The following CDC42BPA variants were observed in gnomAD, a reference collection of about 807,000 sequenced individuals.
The protein encoded by CDC42BPA is CDC42 binding protein kinase alpha.
In CDC42BPA, 80 loss-of-function variants were observed where a neutral mutation model predicts 223.5. That is an observed-to-expected ratio of 0.36 (90% CI 0.30 to 0.43). The LOEUF is 0.43. Among genes scored for constraint, CDC42BPA ranks in the 20% least tolerant of loss-of-function variants. CDC42BPA has a pLI of 1.00. For missense variants in CDC42BPA, 1,743 were observed against 2,099.9 expected, an observed-to-expected ratio of 0.83 and a Z score of 3.32; for synonymous variants, 694 against 718.6, an observed-to-expected ratio of 0.97 and a Z score of 0.55.
At chr1:227,190,426 G>A (rs958472797) in intron 5 of CDC42BPA, among the ~76,000 whole-genome samples, 11 of 152,164 alleles carry the variant, frequency 7.2e-5, no homozygotes, top group African/African-American at 2.7e-4. Flanking sequence ...AGCACAAAGA[G>A]TTAAATAAGG....
rs910782756 is a variant in CDC42BPA, at chr1:227,279,468, A to C, written c.179-25313T>G. 2.0e-5 allele frequency among the ~76,000 whole-genome samples: 3 copies of C among 152,086 alleles called. No individual in the cohort carries two copies. The East Asian group carries it at 5.8e-4, about 29-fold the overall frequency. On this transcript the variant is annotated intron_variant, in intron 1 of 36. Transcript: ENST00000366766. ...ATCCTAAAGTTAAAATAGCATGGAAATATCTGTAAAGGTCTGACCATACCA... is the reference window on the plus strand; with the variant it reads ...ATCCTAAAGTTAAAATAGCATGGAACTATCTGTAAAGGTCTGACCATACCA...
intron 31 of CDC42BPA, among the ~76,000 whole-genome samples, chr1:227,025,675 A>G (rs558590137): frequency 6.6e-6 from 1 of 152,290 alleles, no homozygotes; most frequent in African/African-American, 2.4e-5. Context: ...TAGCCTTTTA[A>G]ATCTGTCCTC....
chr1:227,107,361 G>A (rs540288267), intron 14 of CDC42BPA, among the ~76,000 whole-genome samples: 55 of 152,250 alleles, frequency 3.6e-4, no homozygotes, highest in African/African-American at 1.3e-3. Context: ...AAACACAACT[G>A]ATTGCTATGT....
intron 1 of CDC42BPA, among the ~76,000 whole-genome samples, chr1:227,297,059 C>A (rs1690768839): frequency 6.6e-6 from 1 of 152,120 alleles, no homozygotes. Context: ...ATTTCTATAC[C>A]TTCTGCTCAA....
chr1:227,049,727 G>T (rs571901727), intron 22 of CDC42BPA, among the ~76,000 whole-genome samples: 10 of 152,054 alleles, frequency 6.6e-5, no homozygotes, highest in Non-Finnish European at 1.3e-4. Context: ...AGAATTGAGA[G>T]TATCCAAACA....
chr1:227,303,835 TTA>T (rs1294474736), intron 1 of CDC42BPA, among the ~76,000 whole-genome samples: 1 of 152,222 alleles, frequency 6.6e-6, no homozygotes, highest in Non-Finnish European at 1.5e-5. Flanking sequence ...AATTATTTTA[TTA>T]TAGTGTTAGT....
At chr1:227,256,948 G>GACACACACACACACACACACACACACAC (rs55961981) in intron 1 of CDC42BPA, among the ~76,000 whole-genome samples, 17 of 141,002 alleles carry the variant, frequency 1.2e-4, no homozygotes, top group African/African-American at 4.5e-4. Context: ...TATATATACA[G>GACACACACACACACACACACACACACAC]ACACACACAC....
intron 34 of CDC42BPA, among the ~76,000 whole-genome samples, chr1:227,015,660 C>T (rs114142408): frequency 1.7e-4 from 26 of 150,770 alleles, no homozygotes; most frequent in Non-Finnish European, 3.7e-4. Context: ...CCATTAATAA[C>T]CAAGCTAATG....
At chr1:227,046,322 G>A (rs1262704382) in intron 23 of CDC42BPA, among the ~76,000 whole-genome samples, 1 of 151,976 alleles carries the variant, frequency 6.6e-6, no homozygotes, top group Non-Finnish European at 1.5e-5. Context: ...CCATTCAGTG[G>A]ACCCGAGGAT....
At chr1:227,238,954 T>C (rs1158208318) in intron 2 of CDC42BPA, among the ~76,000 whole-genome samples, 1 of 152,184 alleles carries the variant, frequency 6.6e-6, no homozygotes, top group Non-Finnish European at 1.5e-5. Flanking sequence ...TGGAAGAGCT[T>C]AATGACTGCA....
chr1:227,048,753 G>GAAA (rs34655609), intron 22 of CDC42BPA, among the ~76,000 whole-genome samples: 14,373 of 112,158 alleles, frequency 0.13, 1,014 homozygotes, highest in Middle Eastern at 0.17. Context: ...AAAGTAGTGA[G>GAAA]AAAAAAAAAA....
intron 5 of CDC42BPA, among the ~76,000 whole-genome samples, chr1:227,175,875 A>G (rs575346628): frequency 1.3e-5 from 2 of 152,302 alleles, no homozygotes; most frequent in Admixed American, 6.5e-5. Context: ...TGAGGACGAT[A>G]ATCTGTCAAT....
intron 1 of CDC42BPA, among the ~76,000 whole-genome samples, chr1:227,257,193 G>A (rs1052841260): frequency 2.6e-5 from 4 of 152,070 alleles, no homozygotes; most frequent in African/African-American, 9.7e-5. Context: ...ACAGGAGAAT[G>A]AAAACTTATG....
At chr1:227,022,507 C>A (rs1282408849) in intron 32 of CDC42BPA, among the ~76,000 whole-genome samples, 1 of 152,068 alleles carries the variant, frequency 6.6e-6, no homozygotes, top group African/African-American at 2.4e-5. Context: ...CATAACAGAT[C>A]AGAAATTTAC....
At chr1:227,091,118 T>C (rs1420968715) in intron 16 of CDC42BPA, among the ~76,000 whole-genome samples, 1 of 152,208 alleles carries the variant, frequency 6.6e-6, no homozygotes, top group Non-Finnish European at 1.5e-5. Flanking sequence ...TTCTCCAGGT[T>C]TGGCCTAATT....
chr1:227,137,888 A>T (rs1040284995), intron 10 of CDC42BPA, among the ~76,000 whole-genome samples: 1 of 152,084 alleles, frequency 6.6e-6, no homozygotes, highest in African/African-American at 2.4e-5. Flanking sequence ...ACATGTGAGG[A>T]CTTTACCCTA....
intron 23 of CDC42BPA, among the ~76,000 whole-genome samples, chr1:227,047,193 C>T (rs1412748597): frequency 6.6e-6 from 1 of 151,992 alleles, no homozygotes; most frequent in East Asian, 1.9e-4. Flanking sequence ...CAAGTATTCC[C>T]AATTTATTTT....
intron 35 of CDC42BPA, among the ~76,000 whole-genome samples, chr1:226,999,313 A>C (rs1572151350): frequency 6.6e-6 from 1 of 151,866 alleles, no homozygotes; most frequent in Non-Finnish European, 1.5e-5. Context: ...AGTGGCTGGG[A>C]CTACAGGCGC....
In CDC42BPA at chr1:227,159,559, G is replaced by A. The variant is rs890515261; in HGVS notation, c.693+984C>T. Among the ~76,000 whole-genome samples, 9 of 151,516 alleles carry A rather than the reference G, an allele frequency of 5.9e-5. No homozygotes were observed. The South Asian group carries it at 1.0e-3, about 18-fold the overall frequency. On this transcript the variant is annotated intron_variant, in intron 6 of 36. Transcript: ENST00000366766. Reference sequence around the variant, plus strand: ...GTGACATTTTCATGGCTTTTGGAATGTATTATACTAAACTGTCCTCCAAAA... The same window carrying A: ...GTGACATTTTCATGGCTTTTGGAATATATTATACTAAACTGTCCTCCAAAA...
Sources: allele counts gnomAD v4.1 joint callset (sites outside exome capture counted in the v4.1 genomes callset), GRCh38; gene constraint gnomAD v4.1.1; transcripts MANE v1.5; gene names NCBI Gene and HGNC (gene_info 2026-07-23, HGNC 2026-07-21).